The following DLG2 variants were observed in gnomAD, a reference collection of about 807,000 sequenced individuals.
The protein encoded by DLG2 is discs large MAGUK scaffold protein 2, also known as disks large homolog 2.
In DLG2, 45 loss-of-function variants were observed where a neutral mutation model predicts 132.5. That is an observed-to-expected ratio of 0.34 (90% CI 0.27 to 0.44). The LOEUF is 0.44. Ranked by LOEUF, DLG2 falls within the 20% of genes least tolerant of loss-of-function variation. The pLI, the probability that DLG2 is intolerant of heterozygous loss-of-function variation, is 1.00. For synonymous variants in DLG2, 424 were observed against 419.6 expected (o/e 1.01, Z -0.13); for missense variants, 1,045 against 1,196.9 (o/e 0.87, Z 1.87).
chr11:84,122,010 A>T (rs1259338394), intron 9 of DLG2, among the ~76,000 whole-genome samples: 1 of 152,034 alleles, frequency 6.6e-6, no homozygotes. Context: ...TTCTCAAATT[A>T]AAACAATCAG....
chr11:85,304,005 G>A (rs1157189156), intron 3 of DLG2, among the ~76,000 whole-genome samples: 3 of 152,118 alleles, frequency 2.0e-5, no homozygotes, highest in Non-Finnish European at 4.4e-5. Context: ...TTTTGTGGAG[G>A]GTTTGAATCA....
intron 19 of DLG2, among the ~76,000 whole-genome samples, chr11:83,603,838 A>G (rs929030885): frequency 6.6e-6 from 1 of 152,022 alleles, no homozygotes; most frequent in Non-Finnish European, 1.5e-5. Context: ...AATCTTTCTG[A>G]TTGCTTTATA....
chr11:83,510,297 G>A (rs951212050), intron 21 of DLG2, among the ~76,000 whole-genome samples: 1 of 151,488 alleles, frequency 6.6e-6, no homozygotes, highest in Non-Finnish European at 1.5e-5. Context: ...TTCAGGAGCT[G>A]ACAGTGCGCT....
intron 3 of DLG2, among the ~76,000 whole-genome samples, chr11:85,487,401 C>T (rs1175798529): frequency 7.9e-6 from 1 of 126,554 alleles, no homozygotes; most frequent in Non-Finnish European, 1.7e-5. Context: ...GAAAACTCTA[C>T]AAAATAATAC....
In DLG2 at chr11:84,532,603, C is replaced by T. The variant is rs191632245; in HGVS notation, c.519+1967G>A. ...CTCAACTTCCTGGGCTCAAATGATCCTCTCACCTCAGACTCCTCCATACCT... is the reference window on the plus strand; with the variant it reads ...CTCAACTTCCTGGGCTCAAATGATCTTCTCACCTCAGACTCCTCCATACCT... On this transcript the variant is annotated intron_variant, in intron 7 of 27. Coordinates refer to ENST00000376104, the MANE Select transcript of DLG2 (RefSeq NM_001142699.3). Among the ~76,000 whole-genome samples, 110 of 152,170 alleles carry T rather than the reference C, an allele frequency of 7.2e-4. 1 individual carries two copies. The highest frequency in any genetic ancestry group is 9.4e-4 in the Non-Finnish European group (64 of 68,004).
intron 6 of DLG2, among the ~76,000 whole-genome samples, chr11:84,714,623 T>TTCTCTTTCTCTCTCTCTCTC (rs2060951658): frequency 1.9e-5 from 2 of 104,994 alleles, no homozygotes; most frequent in African/African-American, 8.5e-5. Flanking sequence ...CTCTTTCTCT[T>TTCTCTTTCTCTCTCTCTCTC]TCTCTCTCTC....
intron 3 of DLG2, among the ~76,000 whole-genome samples, chr11:85,429,347 C>A (rs1273638656): frequency 1.3e-5 from 2 of 151,942 alleles, no homozygotes; most frequent in Non-Finnish European, 2.9e-5. Flanking sequence ...GACCAATATC[C>A]CTGATGACAA....
intron 3 of DLG2, among the ~76,000 whole-genome samples, chr11:85,391,182 C>A (rs1356653067): frequency 6.6e-6 from 1 of 151,830 alleles, no homozygotes; most frequent in African/African-American, 2.4e-5. Context: ...AACTAGAAAA[C>A]CTAGAGGACA....
At chr11:85,413,446 G>A (rs2089525182) in intron 3 of DLG2, among the ~76,000 whole-genome samples, 1 of 151,908 alleles carries the variant, frequency 6.6e-6, no homozygotes, top group Admixed American at 6.6e-5. Flanking sequence ...TATTGTGTTT[G>A]TTTTTGGGTT....
rs570777741 is a variant in DLG2 at position 84,658,672 on chromosome 11, C to T, written c.358-123941G>A. Among the ~76,000 whole-genome samples the T allele has an allele frequency of 5.3e-5, 8 of 152,102 alleles. No homozygotes were observed. The South Asian group carries it at 1.0e-3, about 20-fold the overall frequency. On this transcript the variant is annotated intron_variant, in intron 6 of 27. Coordinates refer to ENST00000376104, the MANE Select transcript of DLG2 (RefSeq NM_001142699.3). The stretch of plus-strand genomic sequence containing the variant: ...ACAAGAGTTGGTTGTTTAAAAGAGT[C>T]GGCACTTCCTCACCTCTCTCTTGCT...
intron 6 of DLG2, among the ~76,000 whole-genome samples, chr11:85,006,520 G>T (rs2058674075): frequency 6.6e-6 from 1 of 152,138 alleles, no homozygotes; most frequent in Non-Finnish European, 1.5e-5. Flanking sequence ...GTGTAGAGGT[G>T]TTTCTAGTAT....
chr11:85,076,663 A>G (rs1423936669), intron 6 of DLG2, among the ~76,000 whole-genome samples: 1 of 152,002 alleles, frequency 6.6e-6, no homozygotes, highest in Non-Finnish European at 1.5e-5. Context: ...ATCTATCTAG[A>G]GCATTCCTCT....
intron 6 of DLG2, among the ~76,000 whole-genome samples, chr11:84,678,840 A>T (rs12281747): frequency 6.6e-6 from 1 of 151,978 alleles, no homozygotes; most frequent in African/African-American, 2.4e-5. Context: ...CATGTGACTT[A>T]GGTAATTTAT....
intron 16 of DLG2, among the ~76,000 whole-genome samples, chr11:83,855,562 C>T (rs764549764): frequency 3.3e-5 from 5 of 151,952 alleles, no homozygotes; most frequent in Admixed American, 1.3e-4. Flanking sequence ...CAAAAGAAGC[C>T]AATCTGAAAA....
At chr11:83,791,454 T>C in intron 17 of DLG2, 1 of 711,946 alleles carries the variant, frequency 1.4e-6, no homozygotes, top group Admixed American at 1.8e-5. Context: ...AGCTACCAAA[T>C]TAGGAATTAT....
intron 6 of DLG2, among the ~76,000 whole-genome samples, chr11:84,667,191 C>T (rs2153685933): frequency 6.6e-6 from 1 of 152,222 alleles, no homozygotes; most frequent in South Asian, 2.1e-4. Flanking sequence ...TAAATTCTAA[C>T]ACCATTCGCA....
chr11:84,514,064 C>T (rs573960761), intron 7 of DLG2, among the ~76,000 whole-genome samples: 1 of 152,116 alleles, frequency 6.6e-6, no homozygotes, highest in East Asian at 1.9e-4. Flanking sequence ...AGAAGCCATG[C>T]ACATGACAAA....
rs550037703 is a variant in DLG2 at position 84,884,285 on chromosome 11, T to C, written c.357+227376A>G. 7.2e-5 allele frequency among the ~76,000 whole-genome samples: 11 copies of C among 152,054 alleles called. No individual in the cohort carries two copies. In the South Asian group the frequency reaches 2.3e-3, roughly 32 times the overall value. ...TGTTGAAGATAGGCTCACTTTATCT[T>C]TAGGCTATGAGGTCTTAGTGTGATG... On this transcript the variant is annotated intron_variant, in intron 6 of 27. Transcript: ENST00000376104.
Position 83,708,956 on chromosome 11 carries a change from A to G in DLG2, c.1826-75631T>C, listed in dbSNP as rs188092902. Among the ~76,000 whole-genome samples, 389 of 152,204 alleles carry G rather than the reference A, an allele frequency of 2.6e-3. 3 individuals are homozygous for G. Among genetic ancestry groups the G allele is most frequent in the African/African-American group, 7.1e-3 (293 of 41,528 alleles). On this transcript the variant is annotated intron_variant, in intron 18 of 27. Transcript: ENST00000376104. Reference sequence around the variant, plus strand: ...TATTTCCTGTGTAAATCTGTTTTTCATAGTCTCTAGTATGAGGCTGCTGGT... The same window carrying G: ...TATTTCCTGTGTAAATCTGTTTTTCGTAGTCTCTAGTATGAGGCTGCTGGT...
Sources: allele counts gnomAD v4.1 joint callset (sites outside exome capture counted in the v4.1 genomes callset), GRCh38; gene constraint gnomAD v4.1.1; transcripts MANE v1.5; gene names NCBI Gene and HGNC (gene_info 2026-07-23, HGNC 2026-07-21).